BTN3A3: variants seen among roughly 807,000 people sequenced by gnomAD.
BTN3A3 encodes the protein butyrophilin 3.
BTN3A3 carries 39 observed loss-of-function variants against 43.2 expected under a neutral mutation model. The observed-to-expected ratio is 0.90, with a 90% CI of 0.70 to 1.18. The LOEUF (loss-of-function observed/expected upper bound fraction) is 1.18. Among genes scored for constraint, BTN3A3 ranks in the 50% most tolerant of loss-of-function variants. The pLI, the probability that BTN3A3 is intolerant of heterozygous loss-of-function variation, is 0.00. For missense variants in BTN3A3, 631 were observed against 722.8 expected (o/e 0.87, Z 1.46); for synonymous variants, 255 against 272.7 (o/e 0.93, Z 0.64).
Position 26,444,243 on chromosome 6 carries a change from C to T in BTN3A3, c.372C>T (p.Tyr124=). The change falls in exon 4 of 11, where the codon TAC becomes TAT. Residue 124 remains tyrosine, a synonymous_variant. Transcript: ENST00000244519. ...TCACAGCCTCTGACAGTGGAAAGTA[C>T]TTGTGTTATTTCCAAGATGGTGACT... ...HNVTASDSGK[Y]LCYFQDGDFY... 1 of 1,612,052 alleles carries T rather than the reference C, an allele frequency of 6.2e-7. No homozygotes were observed. The highest frequency in any genetic ancestry group is 1.1e-5 in the South Asian group (1 of 90,994).
chr6:26,445,648 A>G (rs533187351), intron 4 of BTN3A3, 56 bp from the exon 5 acceptor site: 45 of 1,569,522 alleles, frequency 2.9e-5, no homozygotes, highest in Admixed American at 1.7e-5. Context: ...ATTCCCATTG[A>G]GACCCTCCCT....
At chr6:26,448,169 A>G in intron 5 of BTN3A3, 79 bp from the exon 6 acceptor site, 3 of 1,508,340 alleles carry the variant, frequency 2.0e-6, no homozygotes, top group Admixed American at 2.0e-5. Flanking sequence ...ACCTGGGCTG[A>G]GCAGCTAAAG....
At chr6:26,443,929 T>A (rs569286880) in intron 3 of BTN3A3, 28 bp from the exon 4 acceptor site, 1 of 1,613,888 alleles carries the variant, frequency 6.2e-7, no homozygotes, top group African/African-American at 1.3e-5. Context: ...CAAAACCCTC[T>A]GATGGAGCTT....
intron 1 of BTN3A3, among the ~76,000 whole-genome samples, chr6:26,442,067 G>A (rs934379968): frequency 6.6e-6 from 1 of 152,172 alleles, no homozygotes; most frequent in Non-Finnish European, 1.5e-5. Flanking sequence ...CCAGGCGAGG[G>A]TGGAGGATGG....
At chr6:26,449,484 G>T (rs1487419247) in intron 8 of BTN3A3, 178 bp from the exon 9 acceptor site, 2 of 673,714 alleles carry the variant, frequency 3.0e-6, no homozygotes, top group African/African-American at 3.6e-5. Flanking sequence ...TTCAACCAAT[G>T]TTCCCAGACT....
chr6:26,446,850 T>A (rs527586805), intron 5 of BTN3A3, among the ~76,000 whole-genome samples: 1 of 152,102 alleles, frequency 6.6e-6, no homozygotes, highest in Admixed American at 6.5e-5. Flanking sequence ...TGTCTCAGCC[T>A]CCCCAGTAGC....
intron 1 of BTN3A3, 187 bp downstream of exon 1, chr6:26,440,835 C>A: frequency 6.6e-6 from 1 of 152,148 alleles, no homozygotes; most frequent in Non-Finnish European, 1.5e-5. Context: ...CGCATGGGCA[C>A]CCATGCACAC....
At position 26,443,759 on chromosome 6, in the gene BTN3A3, C is replaced by A. The variant is rs530261009; in HGVS notation, c.85+100C>A. The A allele has an allele frequency of 7.1e-5, 106 of 1,502,560 alleles. No homozygotes were observed. In the East Asian group the frequency reaches 2.0e-3, roughly 28 times the overall value. 93.1% of individuals were successfully genotyped at this position (1,502,560 alleles called of 1,614,324 possible). ...CAATTACCTAAATGCCCTCTTAGAA[C>A]CTTTAACTCATTCCCATACCTGGAA... On this transcript the variant is annotated intron_variant, in intron 3 of 10. Transcript: ENST00000244519.
rs145862652 is a variant in BTN3A3 at position 26,443,931 on chromosome 6, A to T, written c.86-26A>T. 9,066 of 1,613,810 alleles carry T rather than the reference A, an allele frequency of 5.6e-3. 39 individuals carry two copies. The highest frequency in any genetic ancestry group is 0.013 in the African/African-American group (969 of 74,982). On this transcript the variant is annotated intron_variant, in intron 3 of 10. Transcript: ENST00000244519. ...GTGACCCCAACTCCAAAACCCTCTG[A>T]TGGAGCTTCCCCCTTGTGCTGACAG...
At position 26,452,172 on chromosome 6, in the gene BTN3A3, C is replaced by T; in HGVS notation, c.1516C>T (p.Pro506Ser). 1 of 1,614,138 alleles carries T rather than the reference C, an allele frequency of 6.2e-7. No individual in the cohort carries two copies. The highest frequency in any genetic ancestry group is 8.5e-7 in the Non-Finnish European group (1 of 1,180,006). ...TGTTTTCAGAATTTTGACCTTGGAG[C>T]CCACTGCCCTGACCATTTGCCCAAT... ...YPVFRILTLE[P>S]TALTICPIPK... Residue 506 changes from proline to serine, a missense_variant, in exon 11 of 11, where the codon CCC becomes TCC. Pro to Ser is a moderately conservative substitution (Grantham distance 74). Coordinates refer to ENST00000244519, the MANE Select transcript of BTN3A3 (RefSeq NM_006994.5).
chr6:26,451,802 C>T lies in BTN3A3; in HGVS notation c.1146C>T (p.Tyr382=). The T allele has an allele frequency of 6.2e-7, 1 of 1,614,042 alleles. No individual in the cohort carries two copies. Among genetic ancestry groups the T allele is most frequent in the Non-Finnish European group, 8.5e-7 (1 of 1,179,912 alleles). The stretch of plus-strand genomic sequence containing the variant: ...ACCCTGAGAGATTTGAATGGCGTTA[C>T]TGTGTCCTTGGCTGTGAAAACTTCA... The part of the protein sequence containing the change: ...PDNPERFEWR[Y]CVLGCENFTS... The change falls in exon 11 of 11, where the codon TAC becomes TAT. Residue 382 remains tyrosine (Y), a synonymous_variant. Transcript: ENST00000244519.
At chr6:26,442,520 C>T (rs1762664786) in intron 1 of BTN3A3, among the ~76,000 whole-genome samples, 1 of 152,114 alleles carries the variant, frequency 6.6e-6, no homozygotes, top group Non-Finnish European at 1.5e-5. Flanking sequence ...CTGCAACATG[C>T]TTTTTGACCG....
In BTN3A3 at chr6:26,448,404, A is replaced by G; in HGVS notation, c.872A>G (p.Lys291Arg). The G allele has an allele frequency of 1.2e-6, 2 of 1,613,896 alleles. No individual in the cohort carries two copies. The highest frequency in any genetic ancestry group is 1.7e-6 in the Non-Finnish European group (2 of 1,179,974). ...SRETEREREM[K>R]EMGYAATEQE... is the part of the protein sequence containing the mutation. ...GAGACAGAAAGAGAGCGAGAGATGA[A>G]AGAAATGGGATACGCTGCAACAGAG... The change falls in exon 6 of 11, where the codon AAA (lysine) becomes AGA (arginine). Residue 291 changes from lysine (K) to arginine (R), a missense_variant. Coordinates refer to ENST00000244519, the MANE Select transcript of BTN3A3 (RefSeq NM_006994.5).
chr6:26,445,621 A>G, intron 4 of BTN3A3, 83 bp from the exon 5 acceptor site: 1 of 1,479,402 alleles, frequency 6.8e-7, no homozygotes, highest in Non-Finnish European at 9.2e-7. Flanking sequence ...GGATTATCAA[A>G]TGTGAGTCTG....
In BTN3A3 at chr6:26,452,473, T is replaced by C; in HGVS notation, c.*62T>C. On this transcript the variant is annotated 3_prime_UTR_variant, in exon 11 of 11. Transcript: ENST00000244519. ...GTTTCGTACCACCTTATTGTCCCCT[T>C]ATACAGATAAGGAAACTGGGGTGCA... 1 of 1,405,004 alleles carries C rather than the reference T, an allele frequency of 7.1e-7. No individual in the cohort carries two copies. Among genetic ancestry groups the C allele is most frequent in the Admixed American group, 2.6e-5 (1 of 38,904 alleles). The allele number at this position is 1,405,004 out of a possible 1,614,324, so 87.0% of individuals were successfully genotyped here. A position where few individuals can be genotyped will look rare whatever the true frequency, so the allele number is the denominator to read the frequency against.
rs1762764590 is a variant in BTN3A3, at chr6:26,445,881, T to C, written c.611T>C (p.Val204Ala). The C allele has an allele frequency of 2.5e-6, 4 of 1,614,182 alleles. 1 individual carries two copies. In the East Asian group the frequency reaches 8.9e-5, roughly 36 times the overall value. Residue 204 changes from valine (V) to alanine (A), a missense_variant, in exon 5 of 11, where the codon GTA becomes GCA. Around this residue, in one of 2 missense-constraint regions of BTN3A3, gnomAD observed 551 missense variants for 584.0 expected, o/e 0.94. Coordinates refer to ENST00000244519, the MANE Select transcript of BTN3A3 (RefSeq NM_006994.5). ...VVADGVGLYA[V>A]AASVIMRGSS... ...GCAGATGGAGTGGGCCTGTATGCAGTAGCAGCATCTGTGATCATGAGAGGC... is the reference window on the plus strand; with the variant it reads ...GCAGATGGAGTGGGCCTGTATGCAGCAGCAGCATCTGTGATCATGAGAGGC...
At position 26,453,012 on chromosome 6, in the gene BTN3A3, G is replaced by A. The variant is rs1349961842; in HGVS notation, c.*601G>A. ...ATAGTACCAACATGACATGTGACTTGGAAAGAGACTAGAGGCCACACTTGA... is the reference window on the plus strand; with the variant it reads ...ATAGTACCAACATGACATGTGACTTAGAAAGAGACTAGAGGCCACACTTGA... On this transcript the variant is annotated 3_prime_UTR_variant, in exon 11 of 11. Transcript: ENST00000244519. The A allele has an allele frequency of 6.5e-6, 1 of 152,956 alleles. No individual in the cohort carries two copies. The highest frequency in any genetic ancestry group is 1.5e-5 in the Non-Finnish European group (1 of 68,632). 9.5% of individuals were successfully genotyped at this position (152,956 alleles called of 1,614,324 possible).
chr6:26,447,690 C>T (rs1762816087), intron 5 of BTN3A3, among the ~76,000 whole-genome samples: 1 of 152,116 alleles, frequency 6.6e-6, no homozygotes, highest in Admixed American at 6.5e-5. Context: ...TAATTTAATT[C>T]TTCTAACCTC....
intron 10 of BTN3A3, 172 bp downstream of exon 10, chr6:26,450,305 G>A (rs561484820): frequency 1.5e-5 from 11 of 726,288 alleles, no homozygotes; most frequent in Admixed American, 2.9e-5. Flanking sequence ...GACCCTTCCC[G>A]CTGAGAGCCC....
Sources: allele counts gnomAD v4.1 joint callset (sites outside exome capture counted in the v4.1 genomes callset), GRCh38; gene constraint gnomAD v4.1.1; regional missense constraint gnomAD v4.1.1; transcripts MANE v1.5; gene names NCBI Gene and HGNC (gene_info 2026-07-23, HGNC 2026-07-21).